Variants in KLHL3 observed in about 807,000 individuals in gnomAD.
The protein encoded by KLHL3 is kelch-like protein 3.
A neutral mutation model predicts 70.5 loss-of-function variants in KLHL3; 19 were observed. The ratio of observed to expected loss-of-function variants is 0.27; its 90% CI spans 0.19 to 0.40. The LOEUF is 0.40. Among genes scored for constraint, KLHL3 ranks in the 10% least tolerant of loss-of-function variants. KLHL3 has a pLI of 1.00. For synonymous variants in KLHL3, 258 were observed against 290.3 expected, an observed-to-expected ratio of 0.89 and a Z score of 1.13; for missense variants, 512 against 771.1, an observed-to-expected ratio of 0.66 and a Z score of 3.98.
At chr5:137,727,166 C>T (rs1273536572) in intron 1 of KLHL3, among the ~76,000 whole-genome samples, 1 of 152,088 alleles carries the variant, frequency 6.6e-6, no homozygotes, top group African/African-American at 2.4e-5. Context: ...AGAGGCATAA[C>T]CAACCACCCA....
chr5:137,684,670 C>A (rs1030941601), intron 5 of KLHL3, among the ~76,000 whole-genome samples: 2 of 148,858 alleles, frequency 1.3e-5, no homozygotes, highest in African/African-American at 5.2e-5. Context: ...AATTACCAAA[C>A]AACAAAGTCC....
intron 6 of KLHL3, among the ~76,000 whole-genome samples, chr5:137,662,899 G>C (rs1751517017): frequency 6.6e-6 from 1 of 152,148 alleles, no homozygotes; most frequent in Non-Finnish European, 1.5e-5. Flanking sequence ...TCACATCAGT[G>C]TAAGAGAACA....
intron 6 of KLHL3, among the ~76,000 whole-genome samples, chr5:137,662,762 T>C (rs10037523): frequency 0.26 from 40,289 of 152,152 alleles, 5,729 homozygotes; most frequent in East Asian, 0.57. Context: ...AAACCAGCAG[T>C]GTCTGTAAAA....
intron 2 of KLHL3, among the ~76,000 whole-genome samples, chr5:137,710,715 A>G (rs1381259155): frequency 2.0e-5 from 3 of 152,208 alleles, no homozygotes; most frequent in Non-Finnish European, 4.4e-5. Flanking sequence ...AGCTCTTATC[A>G]TGCCTGTTAT....
At chr5:137,677,447 CAA>C in intron 6 of KLHL3, 96 bp downstream of exon 6, 3 of 699,800 alleles carry the variant, frequency 4.3e-6, no homozygotes, top group Admixed American at 2.6e-5. Context: ...GACTCCATCT[CAA>C]AAAAAAAGAA....
intron 1 of KLHL3, among the ~76,000 whole-genome samples, chr5:137,724,500 T>G (rs572454310): frequency 3.2e-4 from 49 of 152,336 alleles, no homozygotes; most frequent in African/African-American, 1.2e-3. Context: ...AAACACAGAT[T>G]GCCTATTATC....
chr5:137,667,983 G>C (rs1751653965), intron 6 of KLHL3, among the ~76,000 whole-genome samples: 1 of 149,754 alleles, frequency 6.7e-6, no homozygotes, highest in African/African-American at 2.4e-5. Context: ...GAAACAGCCT[G>C]AGAGAGGTTA....
rs1216013869 is a variant in KLHL3, at chr5:137,617,850, G to C, written c.*4248C>G. On this transcript the variant is annotated 3_prime_UTR_variant, in exon 15 of 15. Transcript: ENST00000309755. ...CAAATTAAACAAGAAGTACAACAAG[G>C]GTCCTCTATTGCCACTGAAAATGAG... is the stretch of plus-strand genomic sequence containing the variant. 1.3e-5 allele frequency: 2 copies of C among 152,272 alleles called. No homozygotes were observed. Among genetic ancestry groups the C allele is most frequent in the African/African-American group, 2.4e-5 (1 of 41,524 alleles). The allele number at this position is 152,272 out of a possible 1,614,324, so 9.4% of individuals were successfully genotyped here.
intron 8 of KLHL3, among the ~76,000 whole-genome samples, chr5:137,640,625 T>C (rs1750888985): frequency 6.6e-6 from 1 of 152,148 alleles, no homozygotes. Context: ...CATTGACAGA[T>C]AGCAAAGTAA....
intron 6 of KLHL3, among the ~76,000 whole-genome samples, chr5:137,663,185 T>G (rs180965559): frequency 6.6e-6 from 1 of 151,482 alleles, no homozygotes; most frequent in Admixed American, 6.6e-5. Context: ...GCCTCCCTAG[T>G]AGCTGGGATT....
chr5:137,663,722 G>A (rs1006111637), intron 6 of KLHL3, among the ~76,000 whole-genome samples: 5 of 151,910 alleles, frequency 3.3e-5, no homozygotes, highest in African/African-American at 7.3e-5. Flanking sequence ...TGGAACTCAC[G>A]GATACAGAGT....
At chr5:137,699,017 A>T (rs951099599) in intron 3 of KLHL3, among the ~76,000 whole-genome samples, 2 of 152,166 alleles carry the variant, frequency 1.3e-5, no homozygotes, top group African/African-American at 2.4e-5. Flanking sequence ...GCCCACAGTC[A>T]CACACCTAGG....
At chr5:137,691,103 G>A (rs1345877095) in intron 5 of KLHL3, among the ~76,000 whole-genome samples, 1 of 152,132 alleles carries the variant, frequency 6.6e-6, no homozygotes, top group East Asian at 1.9e-4. Context: ...ATAATAGAAT[G>A]ACAAGCTCTA....
At chr5:137,714,093 C>T (rs964939637) in intron 2 of KLHL3, among the ~76,000 whole-genome samples, 2 of 146,536 alleles carry the variant, frequency 1.4e-5, no homozygotes, top group South Asian at 2.2e-4. Context: ...AAAAGATGCT[C>T]GACATCATTA....
intron 6 of KLHL3, among the ~76,000 whole-genome samples, chr5:137,673,360 G>A (rs1751809128): frequency 6.6e-6 from 1 of 152,094 alleles, no homozygotes; most frequent in Admixed American, 6.5e-5. Context: ...CTGCCTCCGG[G>A]CCTCTTCTTC....
At chr5:137,643,179 C>T (rs1306762181) in intron 8 of KLHL3, among the ~76,000 whole-genome samples, 5 of 151,786 alleles carry the variant, frequency 3.3e-5, no homozygotes, top group African/African-American at 7.3e-5. Flanking sequence ...GGTGAAACCC[C>T]GTCTCTACAA....
intron 12 of KLHL3, among the ~76,000 whole-genome samples, chr5:137,632,716 C>G (rs545939443): frequency 6.6e-6 from 1 of 152,212 alleles, no homozygotes; most frequent in African/African-American, 2.4e-5. Flanking sequence ...AATCAACAAA[C>G]AGTCAACCTA....
chr5:137,724,190 C>T (rs1753049987), intron 1 of KLHL3, among the ~76,000 whole-genome samples: 1 of 152,190 alleles, frequency 6.6e-6, no homozygotes, highest in Non-Finnish European at 1.5e-5. Context: ...TGTGGAGAGA[C>T]TTAAAAGCCA....
At chr5:137,707,721 G>A (rs1404216260) in intron 3 of KLHL3, 1 of 154,332 alleles carries the variant, frequency 6.5e-6, no homozygotes, top group Admixed American at 6.5e-5. Flanking sequence ...GCATTACACT[G>A]CTTTCTTCTC....
Sources: gnomAD v4.1 joint callset for allele counts (sites outside exome capture counted in the v4.1 genomes callset) on GRCh38, gnomAD v4.1.1 for gene constraint, MANE v1.5 for transcripts, NCBI Gene and HGNC (gene_info 2026-07-23, HGNC 2026-07-21) for gene names.